MARCHF1: variants seen among roughly 807,000 people sequenced by gnomAD.
The protein encoded by MARCHF1 is E3 ubiquitin-protein ligase MARCHF1.
In MARCHF1, 40 loss-of-function variants were observed where a neutral mutation model predicts 54.2. The observed-to-expected ratio is 0.74, with a 90% CI of 0.57 to 0.96. The LOEUF (loss-of-function observed/expected upper bound fraction) is 0.96, where lower values mean the gene tolerates loss of function less well. Ranked by LOEUF, MARCHF1 falls within the 40% of genes least tolerant of loss-of-function variation. The probability of loss-of-function intolerance (pLI) is 0.00; values close to 1 mark genes in which losing one functional copy is unlikely to be tolerated. For missense variants in MARCHF1, 586 were observed against 656.5 expected (o/e 0.89, Z 1.17); for synonymous variants, 236 against 236.3 (o/e 1.00, Z 0.01).
At chr4:164,009,050 T>C (rs562000173) in intron 2 of MARCHF1, among the ~76,000 whole-genome samples, 3 of 152,016 alleles carry the variant, frequency 2.0e-5, no homozygotes, top group African/African-American at 7.2e-5. Context: ...ATTAAAAAAT[T>C]GGTGAGCCTT....
intron 1 of MARCHF1, among the ~76,000 whole-genome samples, chr4:164,112,894 G>A (rs938040661): frequency 3.4e-5 from 5 of 147,792 alleles, no homozygotes; most frequent in African/African-American, 1.0e-4. Context: ...TTCCACTTTC[G>A]CTGTTTTTTA....
intron 2 of MARCHF1, among the ~76,000 whole-genome samples, chr4:164,071,063 T>C (rs959504219): frequency 6.6e-6 from 1 of 152,232 alleles, no homozygotes; most frequent in Non-Finnish European, 1.5e-5. Flanking sequence ...TGTGGAACTA[T>C]AAGTCCAGTT....
intron 2 of MARCHF1, among the ~76,000 whole-genome samples, chr4:164,079,292 C>T (rs879480841): frequency 2.6e-5 from 4 of 152,016 alleles, no homozygotes; most frequent in African/African-American, 7.2e-5. Flanking sequence ...TTAAGAAACA[C>T]AGGGAAGTAG....
intron 1 of MARCHF1, among the ~76,000 whole-genome samples, chr4:164,301,274 G>C (rs1246396176): frequency 6.6e-6 from 1 of 152,088 alleles, no homozygotes; most frequent in Non-Finnish European, 1.5e-5. Context: ...GAAACTGAAA[G>C]GTAGAGATGG....
intron 1 of MARCHF1, among the ~76,000 whole-genome samples, chr4:164,180,088 A>T (rs1349429683): frequency 6.6e-6 from 1 of 151,522 alleles, no homozygotes; most frequent in Non-Finnish European, 1.5e-5. Context: ...GACTTTAATA[A>T]AGGTCATATC....
At chr4:164,079,948 A>G (rs1342178050) in intron 2 of MARCHF1, among the ~76,000 whole-genome samples, 1 of 152,204 alleles carries the variant, frequency 6.6e-6, no homozygotes, top group Admixed American at 6.5e-5. Context: ...CCAATAAACC[A>G]TACCTCACTA....
chr4:164,331,346 G>A (rs962070498), intron 1 of MARCHF1, among the ~76,000 whole-genome samples: 3 of 152,072 alleles, frequency 2.0e-5, no homozygotes, highest in Admixed American at 2.0e-4. Flanking sequence ...AAATGGTGGC[G>A]AGTTAAAGTA....
chr4:164,176,397 C>T (rs1043763855), intron 1 of MARCHF1, among the ~76,000 whole-genome samples: 11 of 152,124 alleles, frequency 7.2e-5, no homozygotes, highest in Non-Finnish European at 1.5e-4. Context: ...TCAAATAGAT[C>T]AAACATATTT....
chr4:163,790,947 C>T (rs1057467726), intron 4 of MARCHF1, among the ~76,000 whole-genome samples: 4 of 152,096 alleles, frequency 2.6e-5, no homozygotes, highest in Admixed American at 1.3e-4. Context: ...CCTGCAATAA[C>T]GCACTTACCA....
In MARCHF1 at chr4:163,937,689, C is replaced by T. The variant is rs142785013; in HGVS notation, c.-39+50812G>A. On this transcript the variant is annotated intron_variant, in intron 3 of 9. Coordinates refer to ENST00000514618, the MANE Select transcript of MARCHF1 (RefSeq NM_001394959.1). ...TTGTAATCAGGATCAATCAAGCCAACCAGTGCAATAACTTGCCCGTTGGTT... is the reference window on the plus strand; with the variant it reads ...TTGTAATCAGGATCAATCAAGCCAATCAGTGCAATAACTTGCCCGTTGGTT... Among the ~76,000 whole-genome samples, 13 of 152,148 alleles carry T rather than the reference C, an allele frequency of 8.5e-5. No homozygotes were observed. In the East Asian group the frequency reaches 2.5e-3, roughly 29 times the overall value.
intron 2 of MARCHF1, among the ~76,000 whole-genome samples, chr4:164,023,957 T>A (rs1753717823): frequency 1.3e-5 from 2 of 152,146 alleles, no homozygotes; most frequent in Non-Finnish European, 1.5e-5. Context: ...GAAGTATTAT[T>A]AGCAGAATAA....
At chr4:164,259,665 G>T (rs1265096162) in intron 1 of MARCHF1, among the ~76,000 whole-genome samples, 9 of 151,868 alleles carry the variant, frequency 5.9e-5, no homozygotes, top group African/African-American at 2.2e-4. Context: ...CTATTAAGCT[G>T]TTGTTTAGGG....
chr4:164,136,008 G>T (rs548324599), intron 1 of MARCHF1, among the ~76,000 whole-genome samples: 1 of 151,728 alleles, frequency 6.6e-6, no homozygotes, highest in East Asian at 1.9e-4. Context: ...TCGATTTCTA[G>T]GTAGAAAAAT....
chr4:163,886,581 G>C (rs1750544431), intron 3 of MARCHF1, among the ~76,000 whole-genome samples: 1 of 152,032 alleles, frequency 6.6e-6, no homozygotes, highest in South Asian at 2.1e-4. Flanking sequence ...GGAGAGGATG[G>C]AGACTTCTGT....
chr4:164,027,362 TAAAAAAAAAAAAA>T (rs59453843), intron 2 of MARCHF1, among the ~76,000 whole-genome samples: 780 of 10,804 alleles, frequency 0.072, 22 homozygotes, highest in Middle Eastern at 0.12. Flanking sequence ...ATGGTACAGG[TAAAAAAAAAAAAA>T]AAAAAAAAAA....
intron 2 of MARCHF1, among the ~76,000 whole-genome samples, chr4:164,083,874 A>G (rs1755146779): frequency 1.3e-5 from 2 of 152,090 alleles, no homozygotes; most frequent in Admixed American, 1.3e-4. Flanking sequence ...AAAAATAGAA[A>G]TCATTTGTAG....
intron 1 of MARCHF1, among the ~76,000 whole-genome samples, chr4:164,172,749 G>A (rs1433170934): frequency 2.0e-5 from 3 of 152,110 alleles, no homozygotes; most frequent in East Asian, 1.9e-4. Flanking sequence ...AGGCTGAGGC[G>A]GGCAAACCAA....
At chr4:163,571,161 T>TC (rs1306452312) in intron 8 of MARCHF1, among the ~76,000 whole-genome samples, 1 of 152,102 alleles carries the variant, frequency 6.6e-6, no homozygotes, top group Non-Finnish European at 1.5e-5. Context: ...AGCTAAAAAT[T>TC]CCCACAAATT....
chr4:164,012,586 T>C (rs1333355831), intron 2 of MARCHF1, among the ~76,000 whole-genome samples: 1 of 151,980 alleles, frequency 6.6e-6, no homozygotes, highest in African/African-American at 2.4e-5. Context: ...TCCCAGTATT[T>C]TGCTGCTCTG....
Sources: gnomAD v4.1 joint callset for allele counts (sites outside exome capture counted in the v4.1 genomes callset) on GRCh38, gnomAD v4.1.1 for gene constraint, MANE v1.5 for transcripts, NCBI Gene and HGNC (gene_info 2026-07-23, HGNC 2026-07-21) for gene names.